Variants in ECPAS observed in about 807,000 individuals in gnomAD.
ECPAS encodes Ecm29 proteasome adaptor and scaffold, also known as proteasome adapter and scaffold protein ECM29.
Under a neutral mutation model 255.1 loss-of-function variants are expected in ECPAS, and 70 were observed. That is an observed-to-expected ratio of 0.27 (90% CI 0.23 to 0.33). The LOEUF is 0.33. ECPAS is among the 10% of genes least tolerant of loss of function. The probability of loss-of-function intolerance (pLI) is 1.00; values close to 1 mark genes in which losing one functional copy is unlikely to be tolerated. For missense variants in ECPAS, 1,817 were observed against 2,206.4 expected (o/e 0.82, Z 3.54); for synonymous variants, 784 against 775.0 (o/e 1.01, Z -0.19).
chr9:111,484,238 T>G lies in ECPAS; in HGVS notation c.-205A>C, dbSNP rs2098311888. 6.8e-7 allele frequency: 1 copy of G among 1,476,344 alleles called. No homozygotes were observed. Among genetic ancestry groups the G allele is most frequent in the Non-Finnish European group, 8.9e-7 (1 of 1,119,880 alleles). 91.5% of individuals were successfully genotyped at this position (1,476,344 alleles called of 1,614,324 possible). ...CCGCGCGCCGCAGTCCGTGAGGGGC[T>G]GGGCCGAGCGGGCCCGGGCTGCCCT... On this transcript the variant is annotated 5_prime_UTR_variant, in exon 1 of 50. Transcript: ENST00000684092.
intron 2 of ECPAS, among the ~76,000 whole-genome samples, chr9:111,471,255 A>G: frequency 6.6e-6 from 1 of 152,210 alleles, no homozygotes. Flanking sequence ...AATCTAGGAG[A>G]GAAGAAACAA....
intron 1 of ECPAS, chr9:111,483,901 G>C: frequency 4.9e-6 from 3 of 616,950 alleles, no homozygotes; most frequent in Non-Finnish European, 6.1e-6. Context: ...TTTAGAAAGA[G>C]CTGAGCCATC....
intron 3 of ECPAS, among the ~76,000 whole-genome samples, chr9:111,449,389 A>G (rs2098257317): frequency 6.6e-6 from 1 of 152,176 alleles, no homozygotes; most frequent in Non-Finnish European, 1.5e-5. Context: ...AATATTAAGA[A>G]TAGCATAAAA....
At chr9:111,462,021 A>C (rs752115875) in intron 2 of ECPAS, among the ~76,000 whole-genome samples, 1 of 152,214 alleles carries the variant, frequency 6.6e-6, no homozygotes, top group African/African-American at 2.4e-5. Context: ...AGCACATGGG[A>C]ATTATGGGAG....
In ECPAS at chr9:111,397,175, C is replaced by A; in HGVS notation, c.2653-22G>T. Reference sequence around the variant, plus strand: ...TGGCCTGCAACGAAGGAAGTAAAAACCATGAATGAGAAAACACATTTCCCA... The same window carrying A: ...TGGCCTGCAACGAAGGAAGTAAAAAACATGAATGAGAAAACACATTTCCCA... On this transcript the variant is annotated intron_variant, in intron 24 of 49. Coordinates refer to ENST00000684092, the MANE Select transcript of ECPAS (RefSeq NM_001364929.1). The A allele has an allele frequency of 3.7e-6, 6 of 1,611,838 alleles. No homozygotes were observed. In the South Asian group the frequency reaches 5.5e-5, roughly 15 times the overall value.
chr9:111,360,705 A>T lies in ECPAS; in HGVS notation c.*1325T>A, dbSNP rs761081241. ...ACATGTTCTGGGTCGTGATGTAAAAAGTTATTTTTATTATGACTTGCAGTC... is the reference window on the plus strand; with the variant it reads ...ACATGTTCTGGGTCGTGATGTAAAATGTTATTTTTATTATGACTTGCAGTC... On this transcript the variant is annotated 3_prime_UTR_variant, in exon 50 of 50. Transcript: ENST00000684092. 1 of 152,234 alleles carries T rather than the reference A, an allele frequency of 6.6e-6. No homozygotes were observed. The highest frequency in any genetic ancestry group is 6.5e-5 in the Admixed American group (1 of 15,278). The allele number at this position is 152,234 out of a possible 1,614,324, so 9.4% of individuals were successfully genotyped here. A position where few individuals can be genotyped will look rare whatever the true frequency, so the allele number is the denominator to read the frequency against.
chr9:111,408,229 A>T (rs1164900913), intron 24 of ECPAS, among the ~76,000 whole-genome samples: 5 of 152,210 alleles, frequency 3.3e-5, no homozygotes, highest in African/African-American at 4.8e-5. Flanking sequence ...ATCAGACTTG[A>T]AAACAACTGA....
intron 2 of ECPAS, among the ~76,000 whole-genome samples, chr9:111,465,892 G>A (rs1365462640): frequency 6.6e-6 from 1 of 151,846 alleles, no homozygotes; most frequent in African/African-American, 2.4e-5. Flanking sequence ...AAATGAGCCA[G>A]GCATGGTGGT....
At chr9:111,441,100 C>T (rs973045166) in intron 5 of ECPAS, among the ~76,000 whole-genome samples, 1 of 150,192 alleles carries the variant, frequency 6.7e-6, no homozygotes, top group Non-Finnish European at 1.5e-5. Flanking sequence ...TGCAGTGAGC[C>T]GAGATCAAGC....
intron 33 of ECPAS, among the ~76,000 whole-genome samples, chr9:111,385,017 T>C (rs1475697622): frequency 6.6e-6 from 1 of 152,196 alleles, no homozygotes; most frequent in African/African-American, 2.4e-5. Flanking sequence ...TACTTGAGAA[T>C]AATTAATCCC....
chr9:111,445,985 T>C (rs962938032), intron 3 of ECPAS, among the ~76,000 whole-genome samples: 2 of 152,222 alleles, frequency 1.3e-5, no homozygotes, highest in Non-Finnish European at 2.9e-5. Flanking sequence ...GCTTCATCCA[T>C]GTCCCTGCAA....
At chr9:111,404,364 G>A (rs1236906516) in intron 24 of ECPAS, among the ~76,000 whole-genome samples, 1 of 149,646 alleles carries the variant, frequency 6.7e-6, no homozygotes, top group African/African-American at 2.5e-5. Flanking sequence ...TATTAGAACT[G>A]ATAAAGTAAG....
In ECPAS at chr9:111,397,057, T is replaced by C. The variant is rs754808999; in HGVS notation, c.2749A>G (p.Thr917Ala). Residue 917 changes from threonine (T) to alanine (A), a missense_variant, in exon 25 of 50, where the codon ACT (threonine) becomes GCT (alanine). Transcript: ENST00000684092. ...GCAGGTGGAGTATATTCCTCTTCAGTCATTTGCCAGGCATCTCGGGCAGCC... is the reference window on the plus strand; with the variant it reads ...GCAGGTGGAGTATATTCCTCTTCAGCCATTTGCCAGGCATCTCGGGCAGCC... ...SVAARDAWQMTEEEYTPPAGA... is the reference protein window; with the variant it reads ...SVAARDAWQMAEEEYTPPAGA... 1.9e-5 allele frequency: 30 copies of C among 1,613,874 alleles called. No homozygotes were observed. Among genetic ancestry groups the C allele is most frequent in the Admixed American group, 6.7e-5 (4 of 60,012 alleles).
chr9:111,455,105 G>C (rs924463804), intron 2 of ECPAS, among the ~76,000 whole-genome samples: 2 of 152,134 alleles, frequency 1.3e-5, no homozygotes, highest in Non-Finnish European at 2.9e-5. Flanking sequence ...GGCATGCTTA[G>C]AAAAGTCATT....
chr9:111,419,693 AATT>A, intron 16 of ECPAS, among the ~76,000 whole-genome samples: 1 of 151,382 alleles, frequency 6.6e-6, no homozygotes, highest in Middle Eastern at 3.5e-3. Context: ...TTAGATATAT[AATT>A]ATATTACACA....
intron 24 of ECPAS, among the ~76,000 whole-genome samples, chr9:111,407,906 T>A (rs1335122504): frequency 6.6e-6 from 1 of 152,180 alleles, no homozygotes; most frequent in Non-Finnish European, 1.5e-5. Context: ...CTGTGATAAA[T>A]GCTGTGAAGA....
At chr9:111,421,022 T>G (rs2098212727) in intron 15 of ECPAS, among the ~76,000 whole-genome samples, 1 of 152,226 alleles carries the variant, frequency 6.6e-6, no homozygotes, top group South Asian at 2.1e-4. Flanking sequence ...CACTTCCTTG[T>G]AAAGTTACCT....
chr9:111,484,164 G>A lies in ECPAS; in HGVS notation c.-131C>T. The A allele has an allele frequency of 2.0e-6, 3 of 1,476,002 alleles. No individual in the cohort carries two copies. The highest frequency in any genetic ancestry group is 1.8e-6 in the Non-Finnish European group (2 of 1,115,820). 91.4% of individuals were successfully genotyped at this position (1,476,002 alleles called of 1,614,324 possible). A position where few individuals can be genotyped will look rare whatever the true frequency, so the allele number is the denominator to read the frequency against. ...CCGCGGACGCTGCGCTCGGCGCCGCGAGGTGAGGGCTGTAGAGCGAGGCGT... is the reference window on the plus strand; with the variant it reads ...CCGCGGACGCTGCGCTCGGCGCCGCAAGGTGAGGGCTGTAGAGCGAGGCGT... On this transcript the variant is annotated 5_prime_UTR_variant, in exon 1 of 50. Transcript: ENST00000684092.
rs200785736 is a variant in ECPAS, at chr9:111,416,314, G to C, written c.1722C>G (p.Thr574=). ...GGTTAAATGGAAGGACAGTGGTCCC[G>C]GTCATGTACTTGACTGGAGTTTTCA... is the stretch of plus-strand genomic sequence containing the variant. ...HRMKTPVKYM[T]GTTVLPFNPA... Residue 574 remains threonine (T), a synonymous_variant, in exon 18 of 50, where the codon ACC becomes ACG. Coordinates refer to ENST00000684092, the MANE Select transcript of ECPAS (RefSeq NM_001364929.1). 1 of 1,613,580 alleles carries C rather than the reference G, an allele frequency of 6.2e-7. No homozygotes were observed. Among genetic ancestry groups the C allele is most frequent in the Non-Finnish European group, 8.5e-7 (1 of 1,179,634 alleles).
Sources: gnomAD v4.1 joint callset for allele counts (sites outside exome capture counted in the v4.1 genomes callset) on GRCh38, gnomAD v4.1.1 for gene constraint, MANE v1.5 for transcripts, NCBI Gene and HGNC (gene_info 2026-07-23, HGNC 2026-07-21) for gene names.